The following DMGDH variants were observed in gnomAD, a reference collection of about 807,000 sequenced individuals.
DMGDH encodes dimethylglycine dehydrogenase, mitochondrial.
A neutral mutation model predicts 95.2 loss-of-function variants in DMGDH; 76 were observed. That is an observed-to-expected ratio of 0.80 (90% confidence interval 0.66 to 0.97). The LOEUF (loss-of-function observed/expected upper bound fraction) is 0.97. Among genes scored for constraint, DMGDH ranks in the 50% least tolerant of loss-of-function variants. The probability of loss-of-function intolerance (pLI) is 0.00; values close to 1 mark genes in which losing one functional copy is unlikely to be tolerated. For synonymous variants in DMGDH, 345 were observed against 377.6 expected (o/e 0.91, Z 1.00); for missense variants, 987 against 1,055.0 (o/e 0.94, Z 0.89).
intron 1 of DMGDH, among the ~76,000 whole-genome samples, chr5:79,065,863 T>C (rs1190427356): frequency 6.6e-6 from 1 of 152,182 alleles, no homozygotes; most frequent in Non-Finnish European, 1.5e-5. Flanking sequence ...ATTATAATCT[T>C]ACGGGACCAC....
At chr5:79,030,709 C>A in intron 10 of DMGDH, 124 bp downstream of exon 10, 13 of 838,200 alleles carry the variant, frequency 1.6e-5, no homozygotes, top group Non-Finnish European at 2.1e-5. Context: ...TACTTGTATA[C>A]TTTTGGTCAG....
chr5:79,049,970 C>A (rs933993396), intron 5 of DMGDH, among the ~76,000 whole-genome samples: 9 of 151,870 alleles, frequency 5.9e-5, no homozygotes, highest in Non-Finnish European at 7.4e-5. Flanking sequence ...AAAATAATAT[C>A]AATCGGCTGG....
intron 7 of DMGDH, among the ~76,000 whole-genome samples, chr5:79,037,381 C>T (rs1351889548): frequency 6.6e-6 from 1 of 152,208 alleles, no homozygotes; most frequent in Non-Finnish European, 1.5e-5. Context: ...AACCACTGGC[C>T]TCCAGAGCCA....
intron 7 of DMGDH, among the ~76,000 whole-genome samples, chr5:79,040,675 C>A (rs879307907): frequency 6.6e-6 from 1 of 152,024 alleles, no homozygotes; most frequent in Non-Finnish European, 1.5e-5. Flanking sequence ...AAAAAACAAC[C>A]CACAGAATGG....
At chr5:79,067,165 G>A (rs1342721634) in intron 1 of DMGDH, among the ~76,000 whole-genome samples, 1 of 152,148 alleles carries the variant, frequency 6.6e-6, no homozygotes, top group East Asian at 1.9e-4. Context: ...TTTTGACATG[G>A]CTACATAATT....
At chr5:79,064,725 A>C in intron 1 of DMGDH, among the ~76,000 whole-genome samples, 1 of 152,070 alleles carries the variant, frequency 6.6e-6, no homozygotes, top group South Asian at 2.1e-4. Context: ...TTTCTATTAC[A>C]AAATATATAT....
At chr5:79,021,284 T>C in intron 14 of DMGDH, 1 of 1,080,082 alleles carries the variant, frequency 9.3e-7, no homozygotes, top group Non-Finnish European at 1.1e-6. Flanking sequence ...CCCTACAGCT[T>C]TAGTTCCTGA....
At chr5:79,039,629 G>A (rs1013027050) in intron 7 of DMGDH, among the ~76,000 whole-genome samples, 1 of 151,950 alleles carries the variant, frequency 6.6e-6, no homozygotes, top group Non-Finnish European at 1.5e-5. Flanking sequence ...AATGGGTGCA[G>A]CACACCAGCA....
At chr5:79,024,723 G>C (rs1347858951) in intron 13 of DMGDH, among the ~76,000 whole-genome samples, 1 of 152,216 alleles carries the variant, frequency 6.6e-6, no homozygotes, top group African/African-American at 2.4e-5. Flanking sequence ...CCAAGAATCA[G>C]GGTAAGGTGG....
intron 13 of DMGDH, 128 bp downstream of exon 13, chr5:79,026,296 T>C: frequency 8.3e-7 from 1 of 1,198,742 alleles, no homozygotes. Flanking sequence ...CCTAATGAAA[T>C]AAAGTTATCT....
chr5:79,066,442 C>G (rs998984163), intron 1 of DMGDH, among the ~76,000 whole-genome samples: 1 of 151,630 alleles, frequency 6.6e-6, no homozygotes, highest in African/African-American at 2.4e-5. Flanking sequence ...CCCACCACCA[C>G]GCCCGGCTAA....
intron 11 of DMGDH, among the ~76,000 whole-genome samples, chr5:79,029,205 C>T (rs1030717143): frequency 6.6e-6 from 1 of 152,148 alleles, no homozygotes; most frequent in Non-Finnish European, 1.5e-5. Flanking sequence ...AAGTCTATCA[C>T]AAAATGTTCA....
intron 7 of DMGDH, among the ~76,000 whole-genome samples, chr5:79,036,778 C>CTGTT (rs1754358535): frequency 6.6e-6 from 1 of 152,160 alleles, no homozygotes; most frequent in South Asian, 2.1e-4. Context: ...GTCTGGAAAT[C>CTGTT]TGTTTGTTTG....
chr5:79,046,588 T>C (rs936104582), intron 5 of DMGDH, among the ~76,000 whole-genome samples: 4 of 152,180 alleles, frequency 2.6e-5, no homozygotes, highest in South Asian at 2.1e-4. Context: ...GGTTTTGCCA[T>C]GTTGCCCAGG....
rs1384424836 is a variant in DMGDH at position 79,054,067 on chromosome 5, A to AT, written c.540+116dup. On this transcript the variant is annotated intron_variant, in intron 4 of 15. Coordinates refer to ENST00000255189, the MANE Select transcript of DMGDH (RefSeq NM_013391.3). ...CCCAAATTCCAAAATTAATCATATG[A>AT]TTTTGTCACATTTAAAATGTGTGTA... 2.6e-6 allele frequency: 3 copies of AT among 1,155,258 alleles called. No individual in the cohort carries two copies. In the African/African-American group the frequency reaches 4.7e-5, roughly 18 times the overall value. The allele number at this position is 1,155,258 out of a possible 1,614,324, so 71.6% of individuals were successfully genotyped here.
intron 14 of DMGDH, among the ~76,000 whole-genome samples, chr5:79,019,312 C>T (rs1199513860): frequency 6.6e-6 from 1 of 152,152 alleles, no homozygotes; most frequent in East Asian, 1.9e-4. Context: ...GGCTCTAGAT[C>T]TATTAATTTA....
intron 1 of DMGDH, among the ~76,000 whole-genome samples, chr5:79,066,043 G>C (rs931289534): frequency 6.6e-6 from 1 of 152,076 alleles, no homozygotes; most frequent in Non-Finnish European, 1.5e-5. Flanking sequence ...GTAAGAAAAA[G>C]GACATTCTCT....
chr5:79,062,557 C>A (rs553327507), intron 2 of DMGDH, among the ~76,000 whole-genome samples: 98 of 152,120 alleles, frequency 6.4e-4, no homozygotes, highest in Non-Finnish European at 1.2e-3. Flanking sequence ...TCTCCCATCC[C>A]TAAATGATGT....
intron 14 of DMGDH, among the ~76,000 whole-genome samples, chr5:79,007,105 G>A (rs746054978): frequency 2.0e-5 from 3 of 152,104 alleles, no homozygotes; most frequent in Non-Finnish European, 2.9e-5. Flanking sequence ...ATTGGAACCC[G>A]TGTTATTTAA....
Sources: gnomAD v4.1 joint callset for allele counts (sites outside exome capture counted in the v4.1 genomes callset) on GRCh38, gnomAD v4.1.1 for gene constraint, MANE v1.5 for transcripts, NCBI Gene and HGNC (gene_info 2026-07-23, HGNC 2026-07-21) for gene names.